PCDH7: variants seen among roughly 807,000 people sequenced by gnomAD.
PCDH7 encodes the protein protocadherin-7.
A neutral mutation model predicts 58.9 loss-of-function variants in PCDH7; 17 were observed. That is an observed-to-expected ratio of 0.29 (90% CI 0.20 to 0.43). PCDH7 has a LOEUF of 0.43. Ranked by LOEUF, PCDH7 falls within the 20% of genes least tolerant of loss-of-function variation. PCDH7 has a pLI of 1.00. For missense variants in PCDH7, 1,274 were observed against 1,441.0 expected (o/e 0.88, Z 1.88); for synonymous variants, 664 against 616.4 (o/e 1.08, Z -1.14).
chr4:31,022,824 G>T (rs940967563), intron 3 of PCDH7, among the ~76,000 whole-genome samples: 1 of 152,104 alleles, frequency 6.6e-6, no homozygotes, highest in Non-Finnish European at 1.5e-5. Context: ...TACACATAGG[G>T]GTAGAAATTA....
chr4:31,004,673 G>A (rs139795811), intron 3 of PCDH7, among the ~76,000 whole-genome samples: 137 of 152,232 alleles, frequency 9.0e-4, no homozygotes, highest in African/African-American at 3.2e-3. Context: ...GCAACAGAGC[G>A]AAACTCTCAT....
chr4:31,110,475 A>G (rs1440402611), intron 3 of PCDH7, among the ~76,000 whole-genome samples: 1 of 152,240 alleles, frequency 6.6e-6, no homozygotes, highest in East Asian at 1.9e-4. Context: ...TCCATTAGAT[A>G]TAAAATAAGG....
intron 3 of PCDH7, among the ~76,000 whole-genome samples, chr4:31,105,117 T>A (rs1715384997): frequency 6.6e-6 from 1 of 152,202 alleles, no homozygotes; most frequent in Non-Finnish European, 1.5e-5. Context: ...GTTGAAAATA[T>A]TAAATCCTAA....
At chr4:30,861,232 G>A (rs1289499855) in intron 1 of PCDH7, among the ~76,000 whole-genome samples, 1 of 152,112 alleles carries the variant, frequency 6.6e-6, no homozygotes, top group Non-Finnish European at 1.5e-5. Context: ...ACAGGATCTT[G>A]AGTTGTTTTT....
chr4:31,136,704 G>T (rs1023606906), intron 3 of PCDH7, among the ~76,000 whole-genome samples: 10 of 152,230 alleles, frequency 6.6e-5, no homozygotes, highest in African/African-American at 2.4e-4. Context: ...AGTGATTCCC[G>T]CCCTGACCGT....
chr4:30,976,071 C>T (rs888282110), intron 3 of PCDH7, among the ~76,000 whole-genome samples: 2 of 152,172 alleles, frequency 1.3e-5, no homozygotes, highest in African/African-American at 4.8e-5. Flanking sequence ...CATCAGTGGG[C>T]TTTAGTATCT....
At chr4:30,903,527 C>T (rs1740500494) in intron 1 of PCDH7, among the ~76,000 whole-genome samples, 1 of 151,944 alleles carries the variant, frequency 6.6e-6, no homozygotes, top group Admixed American at 6.6e-5. Context: ...GGGCTTAATT[C>T]AGTCATTTAT....
At chr4:30,949,525 A>G (rs1261663184) in intron 2 of PCDH7, among the ~76,000 whole-genome samples, 1 of 152,168 alleles carries the variant, frequency 6.6e-6, no homozygotes, top group Non-Finnish European at 1.5e-5. Context: ...TGTCCACAAA[A>G]ATATAATTAA....
intron 1 of PCDH7, among the ~76,000 whole-genome samples, chr4:30,881,771 C>T (rs891630312): frequency 2.0e-5 from 3 of 152,138 alleles, no homozygotes; most frequent in Admixed American, 6.6e-5. Flanking sequence ...GCAGGTTCCA[C>T]CTTCACATTT....
chr4:30,936,838 A>G (rs2109431797), intron 2 of PCDH7, among the ~76,000 whole-genome samples: 1 of 152,204 alleles, frequency 6.6e-6, no homozygotes, highest in South Asian at 2.1e-4. Context: ...ACTCAGTATC[A>G]TGAGCCAATT....
At chr4:30,831,779 G>A (rs1729817861) in intron 1 of PCDH7, among the ~76,000 whole-genome samples, 1 of 151,972 alleles carries the variant, frequency 6.6e-6, no homozygotes, top group South Asian at 2.1e-4. Context: ...TCTGTAAAAT[G>A]GGCATAAACC....
chr4:30,759,046 A>T (rs1719694063), intron 1 of PCDH7, among the ~76,000 whole-genome samples: 1 of 147,098 alleles, frequency 6.8e-6, no homozygotes, highest in Admixed American at 6.9e-5. Context: ...GGTTCAAGTG[A>T]TTCTTCTGCC....
chr4:31,000,003 C>T (rs1475234976), intron 3 of PCDH7, among the ~76,000 whole-genome samples: 4 of 152,064 alleles, frequency 2.6e-5, no homozygotes, highest in African/African-American at 9.7e-5. Context: ...GCTGTTTAAT[C>T]TCAATTTTAG....
rs184064739 is a variant in PCDH7, at chr4:31,019,478, T to A, written c.*7+69263T>A. ...CAGCACTTTGGGAGGCCAAGGCGGG[T>A]GGATCATCTGAGGTCAAGAGTTAGA... On this transcript the variant is annotated intron_variant, in intron 3 of 3. Transcript: ENST00000509759. 3.3e-5 allele frequency among the ~76,000 whole-genome samples: 5 copies of A among 152,022 alleles called. No homozygotes were observed. In the East Asian group the frequency reaches 9.8e-4, roughly 30 times the overall value.
intron 1 of PCDH7, among the ~76,000 whole-genome samples, chr4:30,785,861 T>A (rs928804714): frequency 6.6e-6 from 1 of 151,988 alleles, no homozygotes; most frequent in Non-Finnish European, 1.5e-5. Flanking sequence ...TGAAAGTGAT[T>A]TATTATTATT....
At chr4:30,747,388 A>C (rs1717923411) in intron 1 of PCDH7, among the ~76,000 whole-genome samples, 1 of 152,216 alleles carries the variant, frequency 6.6e-6, no homozygotes, top group Non-Finnish European at 1.5e-5. Context: ...TTTTTATTTT[A>C]AATGGCTCTT....
chr4:31,121,122 G>A (rs917543250), intron 3 of PCDH7, among the ~76,000 whole-genome samples: 20 of 152,114 alleles, frequency 1.3e-4, no homozygotes, highest in Non-Finnish European at 2.6e-4. Context: ...TTCACAGGTC[G>A]CTGTAAAGAT....
At chr4:30,992,561 T>A (rs944088786) in intron 3 of PCDH7, among the ~76,000 whole-genome samples, 1 of 152,152 alleles carries the variant, frequency 6.6e-6, no homozygotes, top group Non-Finnish European at 1.5e-5. Flanking sequence ...CCCTTTGCCT[T>A]TCAGATGGGG....
intron 3 of PCDH7, among the ~76,000 whole-genome samples, chr4:30,973,575 C>T (rs1174558768): frequency 3.3e-5 from 5 of 152,026 alleles, no homozygotes; most frequent in African/African-American, 4.8e-5. Flanking sequence ...TTACTGAATC[C>T]ATTAAAAGCA....
Sources: gnomAD v4.1 joint callset for allele counts (sites outside exome capture counted in the v4.1 genomes callset) on GRCh38, gnomAD v4.1.1 for gene constraint, MANE v1.5 for transcripts, NCBI Gene and HGNC (gene_info 2026-07-23, HGNC 2026-07-21) for gene names.